Variants in IQSEC3 observed in about 807,000 individuals in gnomAD.
The protein encoded by IQSEC3 is IQ motif and Sec7 domain ArfGEF 3.
IQSEC3 carries 50 observed loss-of-function variants against 105.4 expected under a neutral mutation model. The ratio of observed to expected loss-of-function variants is 0.47; its 90% CI spans 0.38 to 0.60. The LOEUF is 0.60. Among genes scored for constraint, IQSEC3 ranks in the 20% least tolerant of loss-of-function variants. IQSEC3 has a pLI of 0.00. For missense variants in IQSEC3, 1,415 were observed against 1,630.0 expected (o/e 0.87, Z 2.27); for synonymous variants, 708 against 746.0 (o/e 0.95, Z 0.83).
rs562706361 is a variant in IQSEC3 at position 132,088 on chromosome 12, G to A, written c.903+6176G>A. Reference sequence around the variant, plus strand: ...GAGTGTCAAAGAGAAATTGGGGCCCGAGGCAGGGAGACCCCGTCTGTTCGG... The same window carrying A: ...GAGTGTCAAAGAGAAATTGGGGCCCAAGGCAGGGAGACCCCGTCTGTTCGG... On this transcript the variant is annotated intron_variant, in intron 3 of 13. Transcript: ENST00000538872. Among the ~76,000 whole-genome samples the A allele has an allele frequency of 2.6e-4, 39 of 152,284 alleles. No homozygotes were observed. The South Asian group carries it at 6.8e-3, about 27-fold the overall frequency.
rs750124671 is a variant in IQSEC3 at position 141,472 on chromosome 12, CA to C, written c.2153+188del. On this transcript the variant is annotated intron_variant, in intron 5 of 13. Transcript: ENST00000538872. ...AGTGGGCCGGAGCCCTGTCTCCCGTCAGAGTCATTGATTGAGTTCGCCCCAG... is the reference window on the plus strand; with the variant it reads ...AGTGGGCCGGAGCCCTGTCTCCCGTCGAGTCATTGATTGAGTTCGCCCCAG... 2.1e-4 allele frequency: 123 copies of C among 591,310 alleles called. 1 individual carries two copies. Among genetic ancestry groups the C allele is most frequent in the Admixed American group, 4.3e-4 (14 of 32,374 alleles). The allele number at this position is 591,310 out of a possible 1,614,324, so 36.6% of individuals were successfully genotyped here. A position where few individuals can be genotyped will look rare whatever the true frequency, so the allele number is the denominator to read the frequency against.
intron 2 of IQSEC3, among the ~76,000 whole-genome samples, chr12:102,970 G>A (rs1864478549): frequency 6.6e-6 from 1 of 152,102 alleles, no homozygotes; most frequent in South Asian, 2.1e-4. Flanking sequence ...GGGTAGTTAG[G>A]CCCTCAGGTG....
intron 6 of IQSEC3, 148 bp downstream of exon 6, chr12:157,295 G>A (rs917250369): frequency 1.5e-4 from 195 of 1,279,668 alleles, no homozygotes; most frequent in Admixed American, 7.1e-4. Context: ...GGATGGCTGG[G>A]GAGAAACAAG....
At chr12:75,207 G>C (rs569225277) in intron 1 of IQSEC3, among the ~76,000 whole-genome samples, 2 of 152,390 alleles carry the variant, frequency 1.3e-5, no homozygotes, top group South Asian at 4.1e-4. Flanking sequence ...CCCAGAGAAG[G>C]GTTTGGTAAG....
At chr12:87,906 T>G (rs1283726804) in intron 1 of IQSEC3, among the ~76,000 whole-genome samples, 1 of 152,196 alleles carries the variant, frequency 6.6e-6, no homozygotes, top group Non-Finnish European at 1.5e-5. Flanking sequence ...CCTTATACAG[T>G]CCTTTAAAAA....
chr12:119,509 G>A (rs1174965912), intron 2 of IQSEC3, among the ~76,000 whole-genome samples: 1 of 152,136 alleles, frequency 6.6e-6, no homozygotes, highest in Non-Finnish European at 1.5e-5. Context: ...GGGTAATCCT[G>A]GCTACCAAGA....
At position 145,661 on chromosome 12, in the gene IQSEC3, C is replaced by G. The variant is rs532447568; in HGVS notation, c.2153+4376C>G. On this transcript the variant is annotated intron_variant, in intron 5 of 13. Coordinates refer to ENST00000538872, the MANE Select transcript of IQSEC3 (RefSeq NM_001170738.2). The stretch of plus-strand genomic sequence containing the variant: ...AGCCCGGTCCAGAAGCTGAGAGTCA[C>G]GCGGTGGCAGGCCAGCGGCAGGAGC... Among the ~76,000 whole-genome samples the G allele has an allele frequency of 1.8e-4, 27 of 152,316 alleles. No homozygotes were observed. The East Asian group carries it at 4.6e-3, about 26-fold the overall frequency.
chr12:177,024 C>G lies in IQSEC3; in HGVS notation c.*1991C>G, dbSNP rs1161882401. 1 of 152,262 alleles carries G rather than the reference C, an allele frequency of 6.6e-6. No individual in the cohort carries two copies. Among genetic ancestry groups the G allele is most frequent in the Non-Finnish European group, 1.5e-5 (1 of 68,106 alleles). 9.4% of individuals were successfully genotyped at this position (152,262 alleles called of 1,614,324 possible). ...TAGAATGAAAACGATGACTAAGAGG[C>G]AGGGAGTGCGAGGTATGGGGGAATA... On this transcript the variant is annotated 3_prime_UTR_variant, in exon 14 of 14. Coordinates refer to ENST00000538872, the MANE Select transcript of IQSEC3 (RefSeq NM_001170738.2). The surrounding 1 kb of genome is among the most constrained non-coding windows in gnomAD (Gnocchi z 5.3).
intron 3 of IQSEC3, among the ~76,000 whole-genome samples, chr12:132,873 C>A (rs2136984540): frequency 6.6e-6 from 1 of 152,306 alleles, no homozygotes; most frequent in Admixed American, 6.5e-5. Flanking sequence ...TAAGCAGCTA[C>A]CACTTATGAA....
At chr12:154,142 T>G (rs542669950) in intron 5 of IQSEC3, among the ~76,000 whole-genome samples, 1 of 152,276 alleles carries the variant, frequency 6.6e-6, no homozygotes, top group East Asian at 1.9e-4. Context: ...GGCCGACTTT[T>G]CAACCTGGCT....
At chr12:70,003 A>G (rs1863249132) in intron 1 of IQSEC3, among the ~76,000 whole-genome samples, 1 of 152,242 alleles carries the variant, frequency 6.6e-6, no homozygotes, top group Non-Finnish European at 1.5e-5. Flanking sequence ...TCCCCGCAGA[A>G]CTGGTTCTCT....
Position 178,308 on chromosome 12 carries a change from A to C in IQSEC3, c.*3275A>C, listed in dbSNP as rs1455220580. The C allele has an allele frequency of 1.4e-4, 11 of 78,574 alleles. No individual in the cohort carries two copies. In the Admixed American group the frequency reaches 1.4e-3, roughly 10 times the overall value. 4.9% of individuals were successfully genotyped at this position (78,574 alleles called of 1,614,324 possible). A position where few individuals can be genotyped will look rare whatever the true frequency, so the allele number is the denominator to read the frequency against. On this transcript the variant is annotated 3_prime_UTR_variant, in exon 14 of 14. Coordinates refer to ENST00000538872, the MANE Select transcript of IQSEC3 (RefSeq NM_001170738.2). Reference sequence around the variant, plus strand: ...TCTCCCCGCACACCCGTCACCCATGAGAGAGAGAAACCTCTCTAGGGAAAG... The same window carrying C: ...TCTCCCCGCACACCCGTCACCCATGCGAGAGAGAAACCTCTCTAGGGAAAG...
chr12:159,201 T>G (rs1189119342), intron 7 of IQSEC3, among the ~76,000 whole-genome samples: 2 of 152,192 alleles, frequency 1.3e-5, no homozygotes, highest in African/African-American at 4.8e-5. Flanking sequence ...TCTGAGGACC[T>G]CCCCTGATTC....
chr12:87,737 G>A (rs769499679), intron 1 of IQSEC3, among the ~76,000 whole-genome samples: 5 of 152,308 alleles, frequency 3.3e-5, no homozygotes, highest in East Asian at 1.9e-4. Context: ...GAAGACCAGT[G>A]GGGGAGGAAA....
chr12:128,136 C>T lies in IQSEC3; in HGVS notation c.903+2224C>T, dbSNP rs565648177. On this transcript the variant is annotated intron_variant, in intron 3 of 13. Coordinates refer to ENST00000538872, the MANE Select transcript of IQSEC3 (RefSeq NM_001170738.2). ...TTAGTACTTGCTTTAGGTACCTCTTCCTCCTCTCAGGCAGTTTTCCCTGCC... is the reference window on the plus strand; with the variant it reads ...TTAGTACTTGCTTTAGGTACCTCTTTCTCCTCTCAGGCAGTTTTCCCTGCC... Among the ~76,000 whole-genome samples, 5 of 152,296 alleles carry T rather than the reference C, an allele frequency of 3.3e-5. No individual in the cohort carries two copies. The South Asian group carries it at 8.3e-4, about 25-fold the overall frequency.
intron 5 of IQSEC3, chr12:141,507 T>A: frequency 1.9e-6 from 1 of 516,078 alleles, no homozygotes; most frequent in Non-Finnish European, 3.4e-6. Context: ...AGGCCAGGCT[T>A]CGTTTGAGGC....
chr12:146,345 G>A (rs1291712278), intron 5 of IQSEC3, among the ~76,000 whole-genome samples: 1 of 152,260 alleles, frequency 6.6e-6, no homozygotes, highest in African/African-American at 2.4e-5. Context: ...GGCAGGGATT[G>A]TGGCTCACAC....
chr12:88,891 T>C (rs975811169), intron 1 of IQSEC3, among the ~76,000 whole-genome samples: 6 of 152,254 alleles, frequency 3.9e-5, no homozygotes, highest in Non-Finnish European at 8.8e-5. Flanking sequence ...CAGAGACTAA[T>C]AATATCAGTA....
In IQSEC3 at chr12:146,818, G is replaced by A. The variant is rs546182424; in HGVS notation, c.2153+5533G>A. Among the ~76,000 whole-genome samples the A allele has an allele frequency of 2.6e-4, 39 of 152,260 alleles. 1 individual carries two copies. Among genetic ancestry groups the A allele is most frequent in the East Asian group, 2.5e-3 (13 of 5,174 alleles). Reference sequence around the variant, plus strand: ...GGGTCATTTCCACTGCTTTGGAAACGGTACACTGCCAGCACCAGAAGGCTG... The same window carrying A: ...GGGTCATTTCCACTGCTTTGGAAACAGTACACTGCCAGCACCAGAAGGCTG... On this transcript the variant is annotated intron_variant, in intron 5 of 13. Coordinates refer to ENST00000538872, the MANE Select transcript of IQSEC3 (RefSeq NM_001170738.2).
Sources: gnomAD v4.1 joint callset for allele counts (sites outside exome capture counted in the v4.1 genomes callset) on GRCh38, gnomAD v4.1.1 for gene constraint, Gnocchi (gnomAD v3.1) non-coding constraint, MANE v1.5 for transcripts, NCBI Gene and HGNC (gene_info 2026-07-23, HGNC 2026-07-21) for gene names.